HIVEP3: variants seen among roughly 807,000 people sequenced by gnomAD.
HIVEP3 encodes HIVEP zinc finger 3, also known as transcription factor HIVEP3.
A neutral mutation model predicts 152.8 loss-of-function variants in HIVEP3; 49 were observed. The observed-to-expected ratio is 0.32, with a 90% confidence interval of 0.26 to 0.41. The LOEUF is 0.41. Among genes scored for constraint, HIVEP3 ranks in the 10% least tolerant of loss-of-function variants. The pLI, the probability that HIVEP3 is intolerant of heterozygous loss-of-function variation, is 1.00. For missense variants in HIVEP3, 2,790 were observed against 3,103.3 expected (o/e 0.90, Z 2.40); for synonymous variants, 1,269 against 1,289.0 (o/e 0.98, Z 0.33).
intron 1 of HIVEP3, among the ~76,000 whole-genome samples, chr1:41,816,989 T>C (rs1287355800): frequency 6.6e-6 from 1 of 152,224 alleles, no homozygotes; most frequent in Non-Finnish European, 1.5e-5. Flanking sequence ...CACATCTTTT[T>C]GATCAACTCA....
At chr1:41,970,591 C>T (rs779954447) in intron 1 of HIVEP3, among the ~76,000 whole-genome samples, 2 of 152,106 alleles carry the variant, frequency 1.3e-5, no homozygotes, top group Non-Finnish European at 2.9e-5. Context: ...GTGTGCTGGG[C>T]TTAATACCTA....
At chr1:41,967,520 C>T (rs759591983) in intron 1 of HIVEP3, among the ~76,000 whole-genome samples, 1 of 152,048 alleles carries the variant, frequency 6.6e-6, no homozygotes, top group Non-Finnish European at 1.5e-5. Flanking sequence ...GACAATGTAC[C>T]AGAATCTCTG....
At chr1:41,688,955 A>C (rs1305469808) in intron 2 of HIVEP3, among the ~76,000 whole-genome samples, 1 of 151,788 alleles carries the variant, frequency 6.6e-6, no homozygotes, top group Non-Finnish European at 1.5e-5. Flanking sequence ...CAGAGAGCCC[A>C]TTTCCTTCCC....
intron 1 of HIVEP3, among the ~76,000 whole-genome samples, chr1:41,850,682 T>A (rs1349055925): frequency 1.3e-5 from 2 of 152,236 alleles, no homozygotes; most frequent in African/African-American, 4.8e-5. Flanking sequence ...AAGGCTATGA[T>A]GGAAGCAATT....
intron 1 of HIVEP3, among the ~76,000 whole-genome samples, chr1:41,798,127 C>T (rs551694815): frequency 1.2e-4 from 18 of 152,010 alleles, no homozygotes; most frequent in African/African-American, 3.1e-4. Flanking sequence ...CATCACATAC[C>T]GGGGCCTGTC....
intron 5 of HIVEP3, among the ~76,000 whole-genome samples, chr1:41,541,901 G>A (rs1193885320): frequency 6.6e-6 from 1 of 152,130 alleles, no homozygotes; most frequent in South Asian, 2.1e-4. Context: ...ATTGTTTTTT[G>A]TATGTATGAT....
At chr1:41,602,571 C>G (rs116776578) in intron 3 of HIVEP3, among the ~76,000 whole-genome samples, 1 of 152,026 alleles carries the variant, frequency 6.6e-6, no homozygotes, top group Non-Finnish European at 1.5e-5. Flanking sequence ...TCTGTGGCAT[C>G]AGTTGTGATG....
At chr1:41,795,757 A>C (rs1282076705) in intron 1 of HIVEP3, among the ~76,000 whole-genome samples, 1 of 152,042 alleles carries the variant, frequency 6.6e-6, no homozygotes, top group Non-Finnish European at 1.5e-5. Flanking sequence ...GGCTGTTGAG[A>C]GCTCTTTCTG....
intron 2 of HIVEP3, among the ~76,000 whole-genome samples, chr1:41,687,774 C>T (rs1457054314): frequency 2.6e-5 from 4 of 152,222 alleles, no homozygotes; most frequent in African/African-American, 9.6e-5. Context: ...TAAAATAAAA[C>T]AATTCCCATA....
At chr1:41,526,453 C>T (rs1481314303) in intron 5 of HIVEP3, among the ~76,000 whole-genome samples, 6 of 143,668 alleles carry the variant, frequency 4.2e-5, no homozygotes, top group African/African-American at 1.6e-4. Flanking sequence ...CCCTCACACA[C>T]ATGCTCACAC....
chr1:41,980,389 C>T (rs61775784), intron 1 of HIVEP3, among the ~76,000 whole-genome samples: 1,679 of 152,210 alleles, frequency 0.011, 25 homozygotes, highest in Admixed American at 0.039. Context: ...ATGAAACATA[C>T]TGATACATGC....
chr1:41,876,765 TA>T (rs377180065), intron 1 of HIVEP3, among the ~76,000 whole-genome samples: 1 of 152,238 alleles, frequency 6.6e-6, no homozygotes, highest in South Asian at 2.1e-4. Flanking sequence ...TTTGAATAGC[TA>T]AACACTAACC....
intron 1 of HIVEP3, among the ~76,000 whole-genome samples, chr1:41,800,615 G>GT (rs1650245941): frequency 6.6e-6 from 1 of 152,244 alleles, no homozygotes; most frequent in Non-Finnish European, 1.5e-5. Context: ...AAGCTACAGA[G>GT]TTTGAGTGTA....
chr1:41,594,120 C>T (rs12562333), intron 3 of HIVEP3, among the ~76,000 whole-genome samples: 12,253 of 152,296 alleles, frequency 0.08, 1,241 homozygotes, highest in East Asian at 0.48. Context: ...TTATCTTTTG[C>T]CATAATGGGC....
intron 1 of HIVEP3, among the ~76,000 whole-genome samples, chr1:41,850,569 A>G (rs1433886945): frequency 6.6e-6 from 1 of 152,216 alleles, no homozygotes; most frequent in Non-Finnish European, 1.5e-5. Flanking sequence ...TTTTGTCGTC[A>G]TTAGAGTCAC....
At chr1:41,883,361 T>C (rs1644292964) in intron 1 of HIVEP3, among the ~76,000 whole-genome samples, 3 of 152,016 alleles carry the variant, frequency 2.0e-5, no homozygotes, top group Non-Finnish European at 2.9e-5. Flanking sequence ...GTGAGCTAGA[T>C]TGCCCTTCCC....
chr1:41,901,748 G>C (rs1278976964), intron 1 of HIVEP3, among the ~76,000 whole-genome samples: 1 of 152,158 alleles, frequency 6.6e-6, no homozygotes, highest in African/African-American at 2.4e-5. Context: ...GAGGAGGGAG[G>C]TGACACCATG....
At position 41,711,019 on chromosome 1, in the gene HIVEP3, C is replaced by T. The variant is rs530647334; in HGVS notation, c.-800-10024G>A. 1.6e-4 allele frequency among the ~76,000 whole-genome samples: 25 copies of T among 152,348 alleles called. No homozygotes were observed. The East Asian group carries it at 2.3e-3, about 14-fold the overall frequency. ...GCTTGGCTGGTAAGCGGTAGTGCCT[C>T]GAAGATGTCCCTGAGTCAGCCCTTT... On this transcript the variant is annotated intron_variant, in intron 1 of 8. Transcript: ENST00000372583.
chr1:41,594,712 A>C (rs375843408), intron 3 of HIVEP3, among the ~76,000 whole-genome samples: 1 of 152,172 alleles, frequency 6.6e-6, no homozygotes, highest in East Asian at 1.9e-4. Flanking sequence ...AGCTGTACAG[A>C]ATTTTTTTTT....
Sources: gnomAD v4.1 joint callset for allele counts (sites outside exome capture counted in the v4.1 genomes callset) on GRCh38, gnomAD v4.1.1 for gene constraint, MANE v1.5 for transcripts, NCBI Gene and HGNC (gene_info 2026-07-23, HGNC 2026-07-21) for gene names.